Variants in NCKAP5 observed in about 807,000 individuals in gnomAD.
The protein encoded by NCKAP5 is NCK associated protein 5.
In NCKAP5, 92 loss-of-function variants were observed where a neutral mutation model predicts 167.0. The ratio of observed to expected loss-of-function variants is 0.55; its 90% CI spans 0.47 to 0.66. The LOEUF (loss-of-function observed/expected upper bound fraction) is 0.66. Among genes scored for constraint, NCKAP5 ranks in the 30% least tolerant of loss-of-function variants. NCKAP5 has a pLI of 0.00. For synonymous variants in NCKAP5, 891 were observed against 877.4 expected (o/e 1.02, Z -0.27); for missense variants, 2,378 against 2,315.0 (o/e 1.03, Z -0.56).
intron 4 of NCKAP5, among the ~76,000 whole-genome samples, chr2:133,247,718 G>T (rs181029896): frequency 7.4e-4 from 112 of 152,280 alleles, no homozygotes; most frequent in African/African-American, 2.6e-3. Flanking sequence ...CCGGAAGTAG[G>T]CAGCATGAAA....
At chr2:133,298,731 G>A (rs191158122) in intron 4 of NCKAP5, among the ~76,000 whole-genome samples, 37 of 152,068 alleles carry the variant, frequency 2.4e-4, no homozygotes, top group South Asian at 6.2e-4. Context: ...AAAATATTCC[G>A]TATAAATAGT....
intron 19 of NCKAP5, among the ~76,000 whole-genome samples, chr2:132,697,735 T>C (rs1191410229): frequency 6.6e-6 from 1 of 152,180 alleles, no homozygotes; most frequent in Non-Finnish European, 1.5e-5. Flanking sequence ...CAAATAAAAG[T>C]TGAAACCCTT....
chr2:133,128,266 T>C (rs1244306150), intron 6 of NCKAP5, among the ~76,000 whole-genome samples: 1 of 152,208 alleles, frequency 6.6e-6, no homozygotes. Context: ...TTCTCAAACA[T>C]GGATACTGCC....
At chr2:132,761,002 C>A (rs967058253) in intron 16 of NCKAP5, among the ~76,000 whole-genome samples, 1 of 152,142 alleles carries the variant, frequency 6.6e-6, no homozygotes, top group Non-Finnish European at 1.5e-5. Context: ...TGAGTGCAAA[C>A]TAATGATTCA....
chr2:133,174,868 A>T (rs967456067), intron 5 of NCKAP5, among the ~76,000 whole-genome samples: 9 of 152,170 alleles, frequency 5.9e-5, no homozygotes, highest in Non-Finnish European at 1.3e-4. Context: ...ACACCACCGC[A>T]GATGCATCAT....
rs191302619 is a variant in NCKAP5, at chr2:132,771,202, A to G, written c.5128+2614T>C. On this transcript the variant is annotated intron_variant, in intron 16 of 19. Transcript: ENST00000409261. ...GTGTTATTGCTTCTGAAGATCTTCCAGTGGGAGAAGATGTGGAAGTGGAAG... is the reference window on the plus strand; with the variant it reads ...GTGTTATTGCTTCTGAAGATCTTCCGGTGGGAGAAGATGTGGAAGTGGAAG... Among the ~76,000 whole-genome samples, 28 of 152,310 alleles carry G rather than the reference A, an allele frequency of 1.8e-4. No individual in the cohort carries two copies. In the East Asian group the frequency reaches 5.2e-3, roughly 28 times the overall value.
intron 3 of NCKAP5, among the ~76,000 whole-genome samples, chr2:133,423,852 CTT>C (rs1435196623): frequency 6.6e-6 from 1 of 152,138 alleles, no homozygotes; most frequent in Non-Finnish European, 1.5e-5. Context: ...CTATTTATCT[CTT>C]GTGTACTCAG....
intron 6 of NCKAP5, among the ~76,000 whole-genome samples, chr2:133,114,799 T>C (rs2082022068): frequency 6.6e-6 from 1 of 152,186 alleles, no homozygotes; most frequent in African/African-American, 2.4e-5. Context: ...TTGTTCATTG[T>C]ATCTACAGGC....
chr2:133,195,816 A>G (rs1357591436), intron 5 of NCKAP5, among the ~76,000 whole-genome samples: 2 of 152,190 alleles, frequency 1.3e-5, no homozygotes, highest in Non-Finnish European at 2.9e-5. Context: ...AATAAAACTT[A>G]GCTTGTGATA....
chr2:133,194,489 C>T (rs1462299884), intron 5 of NCKAP5, among the ~76,000 whole-genome samples: 1 of 152,056 alleles, frequency 6.6e-6, no homozygotes, highest in Non-Finnish European at 1.5e-5. Flanking sequence ...ACATCCTCCT[C>T]TGTGATCTCA....
At chr2:132,975,378 T>G (rs909952517) in intron 7 of NCKAP5, among the ~76,000 whole-genome samples, 4 of 152,218 alleles carry the variant, frequency 2.6e-5, no homozygotes, top group Non-Finnish European at 4.4e-5. Context: ...TCCACATTAC[T>G]CTTCACTCAA....
At chr2:133,331,152 A>G (rs1319648160) in intron 3 of NCKAP5, among the ~76,000 whole-genome samples, 1 of 152,194 alleles carries the variant, frequency 6.6e-6, no homozygotes, top group African/African-American at 2.4e-5. Context: ...TTTAGGCTAT[A>G]ATTAGTATTC....
At chr2:133,092,295 G>A (rs1460477513) in intron 6 of NCKAP5, among the ~76,000 whole-genome samples, 3 of 152,154 alleles carry the variant, frequency 2.0e-5, no homozygotes, top group Non-Finnish European at 4.4e-5. Flanking sequence ...TTTGGATACA[G>A]CAGAGGAAGA....
At chr2:133,478,717 C>T (rs1252129244) in intron 3 of NCKAP5, among the ~76,000 whole-genome samples, 1 of 152,128 alleles carries the variant, frequency 6.6e-6, no homozygotes, top group Non-Finnish European at 1.5e-5. Flanking sequence ...AACTGCGATG[C>T]ATTTCAAATG....
At chr2:133,322,192 C>T (rs1682104746) in intron 3 of NCKAP5, among the ~76,000 whole-genome samples, 1 of 152,158 alleles carries the variant, frequency 6.6e-6, no homozygotes, top group Non-Finnish European at 1.5e-5. Context: ...CCTGTAAAAA[C>T]ACCAATACTT....
chr2:132,830,854 T>C (rs1411568741), intron 11 of NCKAP5, among the ~76,000 whole-genome samples: 1 of 152,182 alleles, frequency 6.6e-6, no homozygotes, highest in East Asian at 1.9e-4. Context: ...TATCAGATAA[T>C]GTAAAAGTGT....
chr2:133,097,684 G>A (rs1158366956), intron 6 of NCKAP5, among the ~76,000 whole-genome samples: 6 of 152,132 alleles, frequency 3.9e-5, no homozygotes, highest in Non-Finnish European at 2.9e-5. Context: ...CAAAGAATAC[G>A]GCAATAATCA....
At chr2:132,700,929 GC>G (rs138167634) in intron 19 of NCKAP5, among the ~76,000 whole-genome samples, 1,343 of 87,288 alleles carry the variant, frequency 0.015, 29 homozygotes, top group African/African-American at 0.081. Flanking sequence ...AATCCCCTGG[GC>G]GGGGGGGGGG....
At position 132,781,121 on chromosome 2, in the gene NCKAP5, G is replaced by C. The variant is rs776947639; in HGVS notation, c.4980C>G (p.Ile1660Met). 3.5e-5 allele frequency: 57 copies of C among 1,613,694 alleles called. No homozygotes were observed. The highest frequency in any genetic ancestry group is 4.3e-5 in the Non-Finnish European group (51 of 1,179,850). The change falls in exon 15 of 20, where the codon ATC becomes ATG. Residue 1660 changes from isoleucine (I) to methionine (M), a missense_variant. Coordinates refer to ENST00000409261, the MANE Select transcript of NCKAP5 (RefSeq NM_207363.3). ...SQGSCLIGSS[I>M]STQGNHKKNM... The stretch of plus-strand genomic sequence containing the variant: ...TTTTCTTGTGGTTTCCTTGAGTACT[G>C]ATAGAGCTGCCGATGAGACAGGAGC...
Sources: allele counts gnomAD v4.1 joint callset (sites outside exome capture counted in the v4.1 genomes callset), GRCh38; gene constraint gnomAD v4.1.1; transcripts MANE v1.5; gene names NCBI Gene and HGNC (gene_info 2026-07-23, HGNC 2026-07-21).